Variants in ADAMTS12 observed in about 807,000 individuals in gnomAD.
The protein encoded by ADAMTS12 is ADAM metallopeptidase with thrombospondin type 1 motif 12.
Under a neutral mutation model 167.8 loss-of-function variants are expected in ADAMTS12, and 118 were observed. The observed-to-expected ratio is 0.70, with a 90% CI of 0.61 to 0.82. The LOEUF is 0.82. Ranked by LOEUF, ADAMTS12 falls within the 40% of genes least tolerant of loss-of-function variation. The probability of loss-of-function intolerance (pLI) is 0.00; values close to 1 mark genes in which losing one functional copy is unlikely to be tolerated. For missense variants in ADAMTS12, 1,916 were observed against 1,998.8 expected (o/e 0.96, Z 0.79); for synonymous variants, 704 against 716.9 (o/e 0.98, Z 0.29).
intron 5 of ADAMTS12, among the ~76,000 whole-genome samples, chr5:33,681,167 A>AT (rs1579830829): frequency 6.6e-6 from 1 of 152,226 alleles, no homozygotes; most frequent in African/African-American, 2.4e-5. Flanking sequence ...ACCCATTGGT[A>AT]TTCCAAGACA....
intron 13 of ADAMTS12, among the ~76,000 whole-genome samples, chr5:33,627,000 T>C (rs2112132695): frequency 6.7e-6 from 1 of 148,370 alleles, no homozygotes; most frequent in South Asian, 2.2e-4. Context: ...ATGGTAATGG[T>C]GGTGGTGATG....
intron 2 of ADAMTS12, among the ~76,000 whole-genome samples, chr5:33,752,670 A>G (rs1415262210): frequency 6.6e-6 from 1 of 152,206 alleles, no homozygotes; most frequent in Non-Finnish European, 1.5e-5. Flanking sequence ...ACAGCAGTTC[A>G]GTAAATGTTA....
chr5:33,867,619 TAC>T (rs34725912), intron 2 of ADAMTS12, among the ~76,000 whole-genome samples: 51,376 of 151,372 alleles, frequency 0.34, 8,897 homozygotes, highest in African/African-American at 0.41. Flanking sequence ...GAAATAAAAA[TAC>T]ACACACACAC....
At chr5:33,528,091 A>C (rs942706774) in intron 23 of ADAMTS12, among the ~76,000 whole-genome samples, 2 of 152,168 alleles carry the variant, frequency 1.3e-5, no homozygotes, top group Non-Finnish European at 2.9e-5. Context: ...ACCAGAAAAA[A>C]AAAAAAAAGG....
Position 33,615,879 on chromosome 5 carries a change from G to A in ADAMTS12, c.2337C>T (p.Asp779=), listed in dbSNP as rs139966946. ...GTVFQYDRKG[D]LEKLMATGPT... ...GACCTGTGGCCATCAGCTTTTCCAG[G>A]TCTCCTTTCCTGTCATACTGAAAGA... The change falls in exon 15 of 24, where the codon GAC becomes GAT. Residue 779 remains aspartate (D), a synonymous_variant. Transcript: ENST00000504830. 1.0e-4 allele frequency: 164 copies of A among 1,614,010 alleles called. 1 individual carries two copies. The African/African-American group carries it at 2.0e-3, about 20-fold the overall frequency.
intron 2 of ADAMTS12, among the ~76,000 whole-genome samples, chr5:33,802,129 C>T (rs531529194): frequency 4.1e-4 from 62 of 152,306 alleles, no homozygotes; most frequent in Non-Finnish European, 6.6e-4. Flanking sequence ...CATCACCAGT[C>T]ACTGAATCTG....
At chr5:33,794,041 C>T (rs1746679255) in intron 2 of ADAMTS12, among the ~76,000 whole-genome samples, 1 of 152,198 alleles carries the variant, frequency 6.6e-6, no homozygotes, top group South Asian at 2.1e-4. Flanking sequence ...CCATGAATCC[C>T]TGTGGTGCCC....
At chr5:33,665,013 A>G (rs1741418103) in intron 5 of ADAMTS12, among the ~76,000 whole-genome samples, 1 of 152,214 alleles carries the variant, frequency 6.6e-6, no homozygotes, top group African/African-American at 2.4e-5. Context: ...GGCATGAATC[A>G]GAAATAAAGG....
intron 18 of ADAMTS12, among the ~76,000 whole-genome samples, chr5:33,586,495 A>C (rs1244039921): frequency 6.6e-6 from 1 of 152,236 alleles, no homozygotes; most frequent in African/African-American, 2.4e-5. Context: ...CACAGACCCA[A>C]GTGCTTCTTA....
chr5:33,871,009 A>T (rs1750019908), intron 2 of ADAMTS12, among the ~76,000 whole-genome samples: 1 of 152,164 alleles, frequency 6.6e-6, no homozygotes, highest in Non-Finnish European at 1.5e-5. Flanking sequence ...TGTGACAATG[A>T]ATTAATATGA....
intron 21 of ADAMTS12, among the ~76,000 whole-genome samples, chr5:33,546,858 A>C (rs1174620463): frequency 2.0e-5 from 3 of 152,210 alleles, no homozygotes; most frequent in African/African-American, 4.8e-5. Context: ...AAGTTCCTAG[A>C]GTATTTGGAA....
intron 3 of ADAMTS12, among the ~76,000 whole-genome samples, chr5:33,741,834 G>A (rs889832832): frequency 6.6e-6 from 1 of 152,038 alleles, no homozygotes; most frequent in Non-Finnish European, 1.5e-5. Flanking sequence ...CACCATGTTG[G>A]CCAGGATGGT....
chr5:33,571,219 T>A (rs1579682960), intron 19 of ADAMTS12, among the ~76,000 whole-genome samples: 1 of 152,250 alleles, frequency 6.6e-6, no homozygotes, highest in South Asian at 2.1e-4. Context: ...TACCCAGGAA[T>A]TGAACTCAGC....
At chr5:33,649,473 T>A (rs1242618540) in intron 8 of ADAMTS12, 81 bp downstream of exon 8, 1 of 1,520,274 alleles carries the variant, frequency 6.6e-7, no homozygotes, top group Non-Finnish European at 8.9e-7. Flanking sequence ...TTTCCAGGCA[T>A]CAGCTTCTCT....
intron 2 of ADAMTS12, among the ~76,000 whole-genome samples, chr5:33,838,197 CTTAA>C (rs2111581715): frequency 6.6e-6 from 1 of 152,232 alleles, no homozygotes; most frequent in African/African-American, 2.4e-5. Flanking sequence ...ATGGTTAACA[CTTAA>C]GAGCTGAAAG....
chr5:33,766,983 C>T (rs1745556876), intron 2 of ADAMTS12, among the ~76,000 whole-genome samples: 1 of 152,124 alleles, frequency 6.6e-6, no homozygotes, highest in Admixed American at 6.5e-5. Context: ...TCAGCTTGTG[C>T]ACAAAGATAC....
intron 2 of ADAMTS12, among the ~76,000 whole-genome samples, chr5:33,794,303 G>T (rs1019209992): frequency 1.3e-4 from 20 of 152,186 alleles, no homozygotes; most frequent in African/African-American, 4.8e-4. Flanking sequence ...GGAGAAGTCC[G>T]CTTCCTTCAG....
At chr5:33,538,363 C>A (rs750370956) in intron 22 of ADAMTS12, among the ~76,000 whole-genome samples, 5 of 152,126 alleles carry the variant, frequency 3.3e-5, no homozygotes, top group Non-Finnish European at 7.4e-5. Flanking sequence ...GCTCACCTGC[C>A]ACTGGGTCTC....
chr5:33,686,426 A>T (rs147064035), intron 3 of ADAMTS12, among the ~76,000 whole-genome samples: 2 of 152,102 alleles, frequency 1.3e-5, no homozygotes, highest in Non-Finnish European at 2.9e-5. Flanking sequence ...TAGAAAAAAG[A>T]AGTAGTTTCT....
Sources: allele counts gnomAD v4.1 joint callset (sites outside exome capture counted in the v4.1 genomes callset), GRCh38; gene constraint gnomAD v4.1.1; transcripts MANE v1.5; gene names NCBI Gene and HGNC (gene_info 2026-07-23, HGNC 2026-07-21).